The following CBL variants were observed in gnomAD, a reference collection of about 807,000 sequenced individuals.
CBL encodes the protein Cbl proto-oncogene.
CBL carries 45 observed loss-of-function variants against 96.9 expected under a neutral mutation model. The ratio of observed to expected loss-of-function variants is 0.46; its 90% confidence interval spans 0.37 to 0.60. The LOEUF is 0.60. CBL is among the 20% of genes least tolerant of loss of function. The probability of loss-of-function intolerance (pLI) is 0.00; values close to 1 mark genes in which losing one functional copy is unlikely to be tolerated. For synonymous variants in CBL, 420 were observed against 426.8 expected, an observed-to-expected ratio of 0.98 and a Z score of 0.20; for missense variants, 1,024 against 1,143.5, an observed-to-expected ratio of 0.90 and a Z score of 1.51.
chr11:119,212,995 A>G (rs554815915), intron 1 of CBL, among the ~76,000 whole-genome samples: 1 of 152,038 alleles, frequency 6.6e-6, no homozygotes, highest in African/African-American at 2.4e-5. Flanking sequence ...AAAAAAAAAA[A>G]TAGAGACAGA....
rs571654866 is a variant in CBL at position 119,233,443 on chromosome 11, A to G, written c.443+748A>G. 2.6e-5 allele frequency among the ~76,000 whole-genome samples: 4 copies of G among 152,204 alleles called. No individual in the cohort carries two copies. In the East Asian group the frequency reaches 7.7e-4, roughly 29 times the overall value. On this transcript the variant is annotated intron_variant, in intron 2 of 15. Coordinates refer to ENST00000264033, the MANE Select transcript of CBL (RefSeq NM_005188.4). ...GAGATGGGGTTTCACCATCTTGGCC[A>G]GGCTGGTCTCGAACTCCTGACTTCA... is the stretch of plus-strand genomic sequence containing the variant.
At chr11:119,230,213 G>A (rs1176163437) in intron 1 of CBL, among the ~76,000 whole-genome samples, 2 of 150,932 alleles carry the variant, frequency 1.3e-5, no homozygotes, top group African/African-American at 4.9e-5. Context: ...GTGCAGTGGC[G>A]CGATCTCGGC....
chr11:119,261,062 G>A (rs754569331), intron 2 of CBL, among the ~76,000 whole-genome samples: 107 of 149,592 alleles, frequency 7.2e-4, no homozygotes, highest in Non-Finnish European at 1.4e-3. Context: ...ACAGGTGTGC[G>A]CCACCACGCC....
chr11:119,290,861 A>G (rs1014419850), intron 12 of CBL, among the ~76,000 whole-genome samples: 2 of 151,526 alleles, frequency 1.3e-5, no homozygotes, highest in Non-Finnish European at 2.9e-5. Context: ...ATTTTTTAGT[A>G]GTAACAGGGT....
chr11:119,274,819 C>T lies in CBL; in HGVS notation c.748-13C>T, dbSNP rs1184275552. On this transcript the variant is annotated splice_polypyrimidine_tract_variant and intron_variant, in intron 4 of 15. Transcript: ENST00000264033. Reference sequence around the variant, plus strand: ...CTGACCTGAATAGTCTGTGATTGATCTTGTTTCTTTAGCCCTGGTCCTCTT... The same window carrying T: ...CTGACCTGAATAGTCTGTGATTGATTTTGTTTCTTTAGCCCTGGTCCTCTT... The T allele has an allele frequency of 1.3e-6, 2 of 1,597,366 alleles. No homozygotes were observed. Among genetic ancestry groups the T allele is most frequent in the South Asian group, 2.2e-5 (2 of 90,788 alleles).
At chr11:119,262,770 A>C (rs1355638308) in intron 2 of CBL, among the ~76,000 whole-genome samples, 2 of 152,202 alleles carry the variant, frequency 1.3e-5, no homozygotes, top group Admixed American at 1.3e-4. Flanking sequence ...AACTATGAGC[A>C]AGTTGCTGTA....
chr11:119,272,475 C>T (rs1949856797), intron 3 of CBL, among the ~76,000 whole-genome samples: 1 of 152,186 alleles, frequency 6.6e-6, no homozygotes, highest in Admixed American at 6.5e-5. Flanking sequence ...CAGCAGTGAG[C>T]AATATCTAAG....
chr11:119,273,837 A>C, intron 3 of CBL, 31 bp from the exon 4 acceptor site: 1 of 1,602,952 alleles, frequency 6.2e-7, no homozygotes, highest in Non-Finnish European at 8.5e-7. Flanking sequence ...CTGTTATTTC[A>C]CTTTATGCCT....
rs1949886794 is a variant in CBL at position 119,276,007 on chromosome 11, C to T, written c.880C>T (p.Arg294Trp). The T allele has an allele frequency of 7.4e-6, 12 of 1,613,938 alleles. No individual in the cohort carries two copies. The highest frequency in any genetic ancestry group is 1.7e-5 in the Admixed American group (1 of 60,002). Residue 294 changes from arginine to tryptophan, a missense_variant, in exon 6 of 16, where the codon CGG becomes TGG. This residue lies in a region of CBL where 192 missense variants were observed against 321.8 expected (regional missense o/e 0.60). Transcript: ENST00000264033. ...FIHKPGSYIF[R>W]LSCTRLGQWA... ...TATGTCTGTTCATAGTTATATCTTCCGGCTGAGCTGTACTCGTCTGGGTCA... is the reference window on the plus strand; with the variant it reads ...TATGTCTGTTCATAGTTATATCTTCTGGCTGAGCTGTACTCGTCTGGGTCA...
intron 2 of CBL, among the ~76,000 whole-genome samples, chr11:119,265,073 G>T (rs911426872): frequency 6.7e-6 from 1 of 148,676 alleles, no homozygotes; most frequent in African/African-American, 2.5e-5. Context: ...TAGATGGGGG[G>T]TCTCACTATA....
chr11:119,297,701 A>AC lies in CBL; in HGVS notation c.2251+224dup, dbSNP rs542161260. 4.0e-3 allele frequency among the ~76,000 whole-genome samples: 616 copies of AC among 152,180 alleles called. 3 individuals carry two copies. The highest frequency in any genetic ancestry group is 6.8e-3 in the Middle Eastern group (2 of 294). ...TTGAACTCCTGACCTCAGGTGATCC[A>AC]CCCCTCCCAAAGTGCTGAGATTACA... On this transcript the variant is annotated intron_variant, in intron 14 of 15. Coordinates refer to ENST00000264033, the MANE Select transcript of CBL (RefSeq NM_005188.4).
rs1250430213 is a variant in CBL, at chr11:119,303,605, A to G, written c.*3824A>G. ...AGCTATCCTGGTTAATAACAGGCCA[A>G]GATTCTCCCATTATCCCCTGTTGTC... On this transcript the variant is annotated 3_prime_UTR_variant, in exon 16 of 16. Transcript: ENST00000264033. The G allele has an allele frequency of 4.3e-6, 1 of 233,620 alleles. No homozygotes were observed. Among genetic ancestry groups the G allele is most frequent in the African/African-American group, 2.2e-5 (1 of 45,352 alleles). The allele number at this position is 233,620 out of a possible 1,614,324, so 14.5% of individuals were successfully genotyped here. A position where few individuals can be genotyped will look rare whatever the true frequency, so the allele number is the denominator to read the frequency against.
chr11:119,282,950 A>AG (rs1949949720), intron 9 of CBL, among the ~76,000 whole-genome samples: 1 of 151,722 alleles, frequency 6.6e-6, no homozygotes, highest in Non-Finnish European at 1.5e-5. Context: ...AAAAAAAAAA[A>AG]GCCACATGTG....
At chr11:119,280,458 T>G (rs1249774472) in intron 9 of CBL, among the ~76,000 whole-genome samples, 1 of 152,212 alleles carries the variant, frequency 6.6e-6, no homozygotes, top group African/African-American at 2.4e-5. Context: ...CCCCCTTTTT[T>G]GGTCTTGAAA....
Position 119,300,699 on chromosome 11 carries a change from T to A in CBL, c.*918T>A. 1 of 397,350 alleles carries A rather than the reference T, an allele frequency of 2.5e-6. No homozygotes were observed. The highest frequency in any genetic ancestry group is 4.4e-6 in the Non-Finnish European group (1 of 225,532). The allele number at this position is 397,350 out of a possible 1,614,324, so 24.6% of individuals were successfully genotyped here. On this transcript the variant is annotated 3_prime_UTR_variant, in exon 16 of 16. Transcript: ENST00000264033. ...TTGAGATAGAGGCCTTTAAATACATTCCATGCCCTCCCCAGAAAATAGTCT... is the reference window on the plus strand; with the variant it reads ...TTGAGATAGAGGCCTTTAAATACATACCATGCCCTCCCCAGAAAATAGTCT...
chr11:119,216,817 T>C (rs1049895009), intron 1 of CBL, among the ~76,000 whole-genome samples: 6 of 152,172 alleles, frequency 3.9e-5, no homozygotes, highest in Admixed American at 2.0e-4. Context: ...CCAAGAGGTA[T>C]CTACTGTGTG....
rs1414907428 is a variant in CBL at position 119,306,957 on chromosome 11, C to T, written c.*7176C>T. 1.3e-5 allele frequency: 3 copies of T among 225,654 alleles called. No homozygotes were observed. Among genetic ancestry groups the T allele is most frequent in the Admixed American group, 5.7e-5 (1 of 17,406 alleles). The allele number at this position is 225,654 out of a possible 1,614,324, so 14.0% of individuals were successfully genotyped here. ...TAGCACACTGAAAAAAAAAAAAAGC[C>T]AAATGTTTTGTGCCTTTCTAAGGCA... On this transcript the variant is annotated 3_prime_UTR_variant, in exon 16 of 16. Coordinates refer to ENST00000264033, the MANE Select transcript of CBL (RefSeq NM_005188.4).
intron 6 of CBL, among the ~76,000 whole-genome samples, 170 bp downstream of exon 6, chr11:119,276,304 T>G (rs536652489): frequency 6.6e-6 from 1 of 152,374 alleles, no homozygotes; most frequent in Non-Finnish European, 1.5e-5. Context: ...TTGTTTTTCT[T>G]TTTTAGGGAT....
intron 2 of CBL, among the ~76,000 whole-genome samples, chr11:119,247,807 G>A (rs1378110311): frequency 2.6e-5 from 4 of 152,034 alleles, no homozygotes; most frequent in Admixed American, 2.0e-4. Context: ...GCAAGGGTCC[G>A]TCTCAAATAA....
Sources: gnomAD v4.1 joint callset for allele counts (sites outside exome capture counted in the v4.1 genomes callset) on GRCh38, gnomAD v4.1.1 for gene constraint, gnomAD v4.1.1 regional missense constraint, MANE v1.5 for transcripts, NCBI Gene and HGNC (gene_info 2026-07-23, HGNC 2026-07-21) for gene names.